The following NTF3 variants were observed in gnomAD, a reference collection of about 807,000 sequenced individuals.
The protein encoded by NTF3 is neurotrophin 3.
Under a neutral mutation model 26.3 loss-of-function variants are expected in NTF3, and 8 were observed. That is an observed-to-expected ratio of 0.30 (90% CI 0.18 to 0.55). The LOEUF (loss-of-function observed/expected upper bound fraction) is 0.55. NTF3 is among the 20% of genes least tolerant of loss of function. NTF3 has a pLI of 0.93. For missense variants in NTF3, 276 were observed against 352.9 expected (o/e 0.78, Z 1.75); for synonymous variants, 154 against 145.5 (o/e 1.06, Z -0.42).
chr12:5,455,533 AACACACACACACACACAC>A (rs60429736), intron 1 of NTF3, among the ~76,000 whole-genome samples: 4 of 103,766 alleles, frequency 3.9e-5, no homozygotes, highest in Non-Finnish European at 5.5e-5. Context: ...ACCCCTCCCC[AACACACACACACACACAC>A]ACACACACAC....
At chr12:5,452,588 C>T (rs1169624283) in intron 1 of NTF3, among the ~76,000 whole-genome samples, 8 of 152,098 alleles carry the variant, frequency 5.3e-5, no homozygotes, top group East Asian at 1.9e-4. Flanking sequence ...GATTTCCAGA[C>T]GTTACCTTTC....
chr12:5,455,413 T>C (rs1940425963), intron 1 of NTF3, among the ~76,000 whole-genome samples: 1 of 152,118 alleles, frequency 6.6e-6, no homozygotes, highest in Non-Finnish European at 1.5e-5. Context: ...AGGAGGACGA[T>C]GCATGCAAGT....
chr12:5,472,761 C>G (rs1940680750), intron 1 of NTF3, among the ~76,000 whole-genome samples: 2 of 152,202 alleles, frequency 1.3e-5, no homozygotes, highest in African/African-American at 4.8e-5. Flanking sequence ...AGGGAGAAAG[C>G]TGTGGCAGAG....
chr12:5,488,065 CAG>C (rs1159596520), intron 1 of NTF3, among the ~76,000 whole-genome samples: 3 of 152,160 alleles, frequency 2.0e-5, no homozygotes, highest in African/African-American at 4.8e-5. Flanking sequence ...GTGGAGGACA[CAG>C]AGCTAGCAGG....
At chr12:5,479,357 C>T (rs375124259) in intron 1 of NTF3, among the ~76,000 whole-genome samples, 5 of 152,162 alleles carry the variant, frequency 3.3e-5, no homozygotes, top group South Asian at 2.1e-4. Flanking sequence ...TTGTGTAAAC[C>T]GGTGCATCAC....
Position 5,442,806 on chromosome 12 carries a change from A to T in NTF3, c.18+10464A>T, listed in dbSNP as rs189872708. ...TTACAAAGTATTATTGTAAGGGGCC[A>T]CTCTGCTGCCACTGAGTCTTGCTAG... On this transcript the variant is annotated intron_variant, in intron 1 of 1. Transcript: ENST00000423158. 1.8e-4 allele frequency among the ~76,000 whole-genome samples: 28 copies of T among 152,150 alleles called. No homozygotes were observed. In the East Asian group the frequency reaches 5.2e-3, roughly 28 times the overall value.
intron 1 of NTF3, among the ~76,000 whole-genome samples, chr12:5,471,103 G>A (rs1348439816): frequency 3.9e-5 from 6 of 152,070 alleles, no homozygotes; most frequent in Non-Finnish European, 8.8e-5. Context: ...TGTCCACAGT[G>A]TGATTTCTGT....
chr12:5,490,066 G>A (rs1940916129), intron 1 of NTF3, among the ~76,000 whole-genome samples: 1 of 152,188 alleles, frequency 6.6e-6, no homozygotes, highest in Non-Finnish European at 1.5e-5. Flanking sequence ...GCACTGGGGA[G>A]AGTGTAGAAA....
At chr12:5,445,778 C>T (rs12315267) in intron 1 of NTF3, among the ~76,000 whole-genome samples, 3,243 of 152,264 alleles carry the variant, frequency 0.021, 145 homozygotes, top group African/African-American at 0.074. Flanking sequence ...TGCCTTTTGG[C>T]GGCTTTGCCA....
intron 1 of NTF3, among the ~76,000 whole-genome samples, chr12:5,489,226 G>A (rs1325334602): frequency 2.0e-5 from 3 of 152,344 alleles, no homozygotes; most frequent in East Asian, 3.9e-4. Context: ...CAGGGAGGAG[G>A]ACACAGGATT....
At chr12:5,446,491 G>T (rs1212131644) in intron 1 of NTF3, among the ~76,000 whole-genome samples, 1 of 152,154 alleles carries the variant, frequency 6.6e-6, no homozygotes, top group African/African-American at 2.4e-5. Context: ...CCTTCCAGGA[G>T]GCCCAACCTG....
intron 1 of NTF3, among the ~76,000 whole-genome samples, chr12:5,440,455 GT>G (rs1403908626): frequency 6.6e-6 from 1 of 152,174 alleles, no homozygotes; most frequent in Non-Finnish European, 1.5e-5. Context: ...CCCTCAGGGA[GT>G]TTGTTTCAAG....
chr12:5,436,310 G>A (rs893738108), intron 1 of NTF3, among the ~76,000 whole-genome samples: 1 of 152,144 alleles, frequency 6.6e-6, no homozygotes, highest in Admixed American at 6.5e-5. Context: ...TTATTTTTGA[G>A]AGGGAAACTC....
At chr12:5,449,401 G>T (rs1407236368) in intron 1 of NTF3, among the ~76,000 whole-genome samples, 1 of 152,090 alleles carries the variant, frequency 6.6e-6, no homozygotes, top group Non-Finnish European at 1.5e-5. Context: ...GAACTTTTTG[G>T]AAACTTCCCC....
At position 5,456,624 on chromosome 12, in the gene NTF3, C is replaced by A. The variant is rs1041726286; in HGVS notation, c.18+24282C>A. On this transcript the variant is annotated intron_variant, in intron 1 of 1. Coordinates refer to ENST00000423158, the MANE Select transcript of NTF3 (RefSeq NM_001102654.2). The surrounding 1 kb of genome is among the most constrained non-coding windows in gnomAD (Gnocchi z 4.4). ...CCTCTTCCACCCCCACCCCCACCCC[C>A]AGCCCCTGGAGCAGGTACTCGGGGT... 3.9e-5 allele frequency among the ~76,000 whole-genome samples: 6 copies of A among 152,174 alleles called. No homozygotes were observed. Among genetic ancestry groups the A allele is most frequent in the Non-Finnish European group, 7.3e-5 (5 of 68,034 alleles).
At chr12:5,467,228 CAAAAAAAAAAAAAAAA>C (rs60794349) in intron 1 of NTF3, among the ~76,000 whole-genome samples, 8 of 49,548 alleles carry the variant, frequency 1.6e-4, no homozygotes, top group South Asian at 1.1e-3. Flanking sequence ...GACTCCGTCT[CAAAAAAAAAAAAAAAA>C]AAAAAAAAAA....
rs1231700148 is a variant in NTF3, at chr12:5,432,271, C to T, written c.-54C>T. On this transcript the variant is annotated 5_prime_UTR_variant, in exon 1 of 2. Coordinates refer to ENST00000423158, the MANE Select transcript of NTF3 (RefSeq NM_001102654.2). ...GGGGGAGACTTTGAATGACCGAGCT[C>T]GCGTCCACCTTTCTCTTCATGTCGA... 8.1e-6 allele frequency: 13 copies of T among 1,607,390 alleles called. No individual in the cohort carries two copies. Among genetic ancestry groups the T allele is most frequent in the African/African-American group, 1.3e-5 (1 of 74,860 alleles).
intron 1 of NTF3, among the ~76,000 whole-genome samples, chr12:5,455,087 G>A (rs1232455791): frequency 6.6e-6 from 1 of 152,156 alleles, no homozygotes; most frequent in Non-Finnish European, 1.5e-5. Flanking sequence ...GGGAGCACTG[G>A]GCTCCGGCCT....
At chr12:5,437,198 T>G (rs1246805985) in intron 1 of NTF3, among the ~76,000 whole-genome samples, 1 of 152,196 alleles carries the variant, frequency 6.6e-6, no homozygotes, top group East Asian at 1.9e-4. Flanking sequence ...TGTCAACTCC[T>G]GGCTCAGAGT....
Sources: allele counts gnomAD v4.1 joint callset (sites outside exome capture counted in the v4.1 genomes callset), GRCh38; gene constraint gnomAD v4.1.1; non-coding constraint Gnocchi (gnomAD v3.1); transcripts MANE v1.5; gene names NCBI Gene and HGNC (gene_info 2026-07-23, HGNC 2026-07-21).